XKR9: variants seen among roughly 807,000 people sequenced by gnomAD.
XKR9 encodes the protein XK-related protein 9.
Under a neutral mutation model 32.0 loss-of-function variants are expected in XKR9, and 32 were observed. The ratio of observed to expected loss-of-function variants is 1.00; its 90% confidence interval spans 0.76 to 1.34. XKR9 has a LOEUF of 1.34. Among genes scored for constraint, XKR9 ranks in the 40% most tolerant of loss-of-function variants. The pLI is 0.00. For synonymous variants in XKR9, 168 were observed against 143.4 expected, an observed-to-expected ratio of 1.17 and a Z score of -1.22; for missense variants, 546 against 429.7, an observed-to-expected ratio of 1.27 and a Z score of -2.39.
intron 2 of XKR9, among the ~76,000 whole-genome samples, chr8:70,775,747 ATT>A (rs35457458): frequency 2.1e-5 from 3 of 144,742 alleles, no homozygotes; most frequent in Non-Finnish European, 1.5e-5. Flanking sequence ...AATATTGGTC[ATT>A]TTTTTTTTTT....
the XKR9 span, among the ~76,000 whole-genome samples, chr8:71,024,701 A>G: frequency 6.6e-6 from 1 of 152,102 alleles, no homozygotes; most frequent in Non-Finnish European, 1.5e-5. Context: ...GGACCACAGA[A>G]GATCTCCCAC....
chr8:70,844,408 TG>T, the XKR9 span, among the ~76,000 whole-genome samples: 5 of 152,146 alleles, frequency 3.3e-5, no homozygotes, highest in Admixed American at 2.0e-4. Context: ...GAACTGCCTG[TG>T]TGTGGCTGCA....
chr8:70,676,737 A>C (rs544486274), intron 2 of XKR9, among the ~76,000 whole-genome samples: 2 of 152,266 alleles, frequency 1.3e-5, no homozygotes, highest in African/African-American at 4.8e-5. Flanking sequence ...TTGGCCAGGT[A>C]TGGTACCTGT....
At chr8:71,037,710 A>C in the XKR9 span, among the ~76,000 whole-genome samples, 1 of 152,226 alleles carries the variant, frequency 6.6e-6, no homozygotes, top group Non-Finnish European at 1.5e-5. Context: ...CGAAGTTAAA[A>C]CATTTTGAGG....
chr8:70,775,170 T>C (rs1586893386), intron 2 of XKR9, among the ~76,000 whole-genome samples: 1 of 152,282 alleles, frequency 6.6e-6, no homozygotes, highest in Middle Eastern at 3.4e-3. Context: ...GCATATTGAT[T>C]TTGTATCCTG....
the XKR9 span, among the ~76,000 whole-genome samples, chr8:70,940,082 C>T: frequency 6.6e-6 from 1 of 151,846 alleles, no homozygotes; most frequent in African/African-American, 2.4e-5. Context: ...TGGGTAAGTA[C>T]GTGGTACAGG....
intron 4 of XKR9, among the ~76,000 whole-genome samples, chr8:70,727,486 C>T (rs891909123): frequency 3.9e-5 from 6 of 151,900 alleles, no homozygotes; most frequent in East Asian, 3.9e-4. Context: ...CTGCAACCTC[C>T]GCCTCCCGGA....
In XKR9 at chr8:70,754,672, C is replaced by G. The variant is rs865853521; in HGVS notation, n.353-34667C>G. The stretch of plus-strand genomic sequence containing the variant: ...AAACAAGCAATGGGGAAAGGATTCC[C>G]TATTTAATAAATGGTGCTGGGAAAA... On this transcript the variant is annotated intron_variant and non_coding_transcript_variant, in intron 2 of 3. Transcript: ENST00000520273. Among the ~76,000 whole-genome samples, 826 of 151,406 alleles carry G rather than the reference C, an allele frequency of 5.5e-3. 11 individuals carry two copies. Among genetic ancestry groups the G allele is most frequent in the African/African-American group, 0.019 (777 of 41,450 alleles).
At chr8:70,776,947 C>CTCTCTCTCTCTCTCTCTATA in intron 2 of XKR9, among the ~76,000 whole-genome samples, 137 of 54,190 alleles carry the variant, frequency 2.5e-3, no homozygotes, top group Admixed American at 6.9e-3. Context: ...CTCTCTCTCT[C>CTCTCTCTCTCTCTCTCTATA]TATATATATA....
At chr8:71,013,511 C>T in the XKR9 span, among the ~76,000 whole-genome samples, 1 of 152,154 alleles carries the variant, frequency 6.6e-6, no homozygotes, top group Non-Finnish European at 1.5e-5. Flanking sequence ...TTCAGAGTTT[C>T]CACAAGTTGG....
the XKR9 span, among the ~76,000 whole-genome samples, chr8:70,849,506 G>A: frequency 1.3e-5 from 2 of 152,168 alleles, no homozygotes; most frequent in Non-Finnish European, 2.9e-5. Flanking sequence ...GCCTGCAGGA[G>A]AAAGCAAGAA....
At chr8:70,910,894 T>C in the XKR9 span, among the ~76,000 whole-genome samples, 1 of 152,236 alleles carries the variant, frequency 6.6e-6, no homozygotes, top group Non-Finnish European at 1.5e-5. Flanking sequence ...TGAAGGCTGT[T>C]CTCAGCTTCT....
intron 3 of XKR9, among the ~76,000 whole-genome samples, chr8:70,685,236 A>G (rs1483864563): frequency 6.6e-6 from 1 of 150,584 alleles, no homozygotes; most frequent in Non-Finnish European, 1.5e-5. Flanking sequence ...TCAGTAAACT[A>G]TCACAAGAAC....
At chr8:70,699,953 C>G (rs1313947522) in intron 3 of XKR9, among the ~76,000 whole-genome samples, 1 of 152,102 alleles carries the variant, frequency 6.6e-6, no homozygotes, top group Admixed American at 6.5e-5. Context: ...TCACTGATAC[C>G]CTTTCTTCCA....
chr8:71,017,662 G>T, the XKR9 span, among the ~76,000 whole-genome samples: 2 of 152,200 alleles, frequency 1.3e-5, no homozygotes, highest in Non-Finnish European at 2.9e-5. Flanking sequence ...GACAGACAGA[G>T]ACTCCTTATC....
chr8:70,681,122 T>A lies in XKR9; in HGVS notation c.64T>A (p.Leu22Ile), dbSNP rs766707298. 3.1e-6 allele frequency: 5 copies of A among 1,613,444 alleles called. No individual in the cohort carries two copies. Among genetic ancestry groups the A allele is most frequent in the Non-Finnish European group, 4.2e-6 (5 of 1,179,520 alleles). ...VLGIIIYVTD[L>I]IVDIWVSVRF... ...TGGCATTATAATCTACGTAACTGAT[T>A]TAATTGTGGACATATGGGTATCTGT... Residue 22 changes from leucine (L) to isoleucine (I), a missense_variant, in exon 3 of 5, where the codon TTA (leucine) becomes ATA (isoleucine). Leu to Ile is a conservative substitution (Grantham distance 5). Transcript: ENST00000408926.
chr8:70,756,843 T>G (rs1807233183), intron 2 of XKR9, among the ~76,000 whole-genome samples: 1 of 152,158 alleles, frequency 6.6e-6, no homozygotes. Context: ...TTATTTCTTT[T>G]CCTTGTTTAA....
the XKR9 span, among the ~76,000 whole-genome samples, chr8:70,881,270 G>T: frequency 6.6e-6 from 1 of 151,984 alleles, no homozygotes; most frequent in Non-Finnish European, 1.5e-5. Flanking sequence ...TAGACAAATG[G>T]GATCTAATTA....
chr8:71,061,425 C>A, the XKR9 span, among the ~76,000 whole-genome samples: 3,596 of 152,298 alleles, frequency 0.024, 142 homozygotes, highest in African/African-American at 0.082. Flanking sequence ...CATCAATTCC[C>A]AGTACCATCT....
Sources: allele counts gnomAD v4.1 joint callset (sites outside exome capture counted in the v4.1 genomes callset), GRCh38; gene constraint gnomAD v4.1.1; transcripts MANE v1.5; gene names NCBI Gene and HGNC (gene_info 2026-07-23, HGNC 2026-07-21).